Variants in DCUN1D1 observed in about 807,000 individuals in gnomAD.
The protein encoded by DCUN1D1 is defective in cullin neddylation 1 domain containing 1.
Under a neutral mutation model 39.0 loss-of-function variants are expected in DCUN1D1, and 3 were observed. The observed-to-expected ratio is 0.08, with a 90% CI of 0.04 to 0.20. The LOEUF (loss-of-function observed/expected upper bound fraction) is 0.20, where lower values mean the gene tolerates loss of function less well. Among genes scored for constraint, DCUN1D1 ranks in the 10% least tolerant of loss-of-function variants. The pLI, the probability that DCUN1D1 is intolerant of heterozygous loss-of-function variation, is 1.00. For synonymous variants in DCUN1D1, 82 were observed against 96.3 expected (o/e 0.85, Z 0.87); for missense variants, 158 against 302.4 (o/e 0.52, Z 3.54).
intron 1 of DCUN1D1, among the ~76,000 whole-genome samples, chr3:182,972,739 T>C (rs1433093465): frequency 6.6e-6 from 1 of 151,652 alleles, no homozygotes; most frequent in African/African-American, 2.4e-5. Context: ...CACCCAGTCT[T>C]AACAACAACA....
At position 182,940,098 on chromosome 3, in the gene DCUN1D1, C is replaced by T. The variant is rs561055395; in HGVS notation, c.*4996G>A. 9 of 152,192 alleles carry T rather than the reference C, an allele frequency of 5.9e-5. No individual in the cohort carries two copies. The highest frequency in any genetic ancestry group is 7.4e-5 in the Non-Finnish European group (5 of 68,006). 9.4% of individuals were successfully genotyped at this position (152,192 alleles called of 1,614,324 possible). A position where few individuals can be genotyped will look rare whatever the true frequency, so the allele number is the denominator to read the frequency against. On this transcript the variant is annotated 3_prime_UTR_variant, in exon 7 of 7. Transcript: ENST00000292782. ...AATTATGTGACAAAATCACTGTTAA[C>T]GATTTAATTAGCATTGTCCCTTAGC...
chr3:182,965,822 TAACTA>T, intron 1 of DCUN1D1, 69 bp from the exon 2 acceptor site: 1 of 965,090 alleles, frequency 1.0e-6, no homozygotes, highest in Non-Finnish European at 1.6e-6. Flanking sequence ...TCTATATGGC[TAACTA>T]AACATTCTTA....
At chr3:182,969,901 A>G (rs191674757) in intron 1 of DCUN1D1, among the ~76,000 whole-genome samples, 2 of 152,298 alleles carry the variant, frequency 1.3e-5, no homozygotes, top group Admixed American at 1.3e-4. Flanking sequence ...ATCAACACAT[A>G]TTGTTTTATT....
chr3:182,951,451 C>A (rs558914024), intron 4 of DCUN1D1, among the ~76,000 whole-genome samples: 3 of 151,298 alleles, frequency 2.0e-5, no homozygotes, highest in Non-Finnish European at 4.4e-5. Context: ...TTGGTCTCTA[C>A]TAAAAATCAA....
intron 1 of DCUN1D1, among the ~76,000 whole-genome samples, chr3:182,978,194 A>G (rs1235766965): frequency 6.6e-6 from 1 of 152,160 alleles, no homozygotes; most frequent in Non-Finnish European, 1.5e-5. Context: ...CCATCATTTA[A>G]GTTTGCTCTA....
Position 182,939,753 on chromosome 3 carries a change from T to A in DCUN1D1, c.*5341A>T, listed in dbSNP as rs1186363024. 6.6e-6 allele frequency: 1 copy of A among 152,220 alleles called. No individual in the cohort carries two copies. 9.4% of individuals were successfully genotyped at this position (152,220 alleles called of 1,614,324 possible). A position where few individuals can be genotyped will look rare whatever the true frequency, so the allele number is the denominator to read the frequency against. ...ATTTTGGGGGCTGATGGACATGTTC[T>A]AAAATTGGACTGCACAACTCTTAAG... On this transcript the variant is annotated 3_prime_UTR_variant, in exon 7 of 7. Coordinates refer to ENST00000292782, the MANE Select transcript of DCUN1D1 (RefSeq NM_020640.4).
chr3:182,947,662 A>C, intron 4 of DCUN1D1, 30 bp from the exon 5 acceptor site: 3 of 1,220,366 alleles, frequency 2.5e-6, no homozygotes, highest in Non-Finnish European at 3.6e-6. Context: ...TTATGTATTT[A>C]AATGCTATAA....
chr3:182,973,635 C>T (rs922743341), intron 1 of DCUN1D1, among the ~76,000 whole-genome samples: 12 of 151,646 alleles, frequency 7.9e-5, no homozygotes, highest in South Asian at 2.1e-4. Flanking sequence ...GGTGAAACCC[C>T]GTCTCTACTA....
intron 1 of DCUN1D1, among the ~76,000 whole-genome samples, chr3:182,979,170 T>TA (rs1435356163): frequency 6.6e-6 from 1 of 152,240 alleles, no homozygotes; most frequent in Admixed American, 6.5e-5. Context: ...ACCTGCACTT[T>TA]AAAGTTTTCT....
chr3:182,958,588 G>T (rs544709023), intron 4 of DCUN1D1, among the ~76,000 whole-genome samples: 1 of 152,120 alleles, frequency 6.6e-6, no homozygotes, highest in Non-Finnish European at 1.5e-5. Context: ...AGTTCAGTGT[G>T]AAGTACATTC....
intron 1 of DCUN1D1, among the ~76,000 whole-genome samples, chr3:182,970,940 C>T (rs1258571536): frequency 6.6e-6 from 1 of 152,172 alleles, no homozygotes; most frequent in Admixed American, 6.5e-5. Context: ...CCTACAACTC[C>T]CAGAGCAGAC....
rs1332894560 is a variant in DCUN1D1 at position 182,938,172 on chromosome 3, TTTA to T, written c.*6919_*6921del. The T allele has an allele frequency of 2.0e-5, 3 of 152,176 alleles. No individual in the cohort carries two copies. The highest frequency in any genetic ancestry group is 2.9e-5 in the Non-Finnish European group (2 of 68,024). The allele number at this position is 152,176 out of a possible 1,614,324, so 9.4% of individuals were successfully genotyped here. On this transcript the variant is annotated 3_prime_UTR_variant, in exon 7 of 7. Transcript: ENST00000292782. ...TGAAAAATATATTCGTTAGAATTTTTTTATTAAGTACATCAAAATTTCACCTTA... is the reference window on the plus strand; with the variant it reads ...TGAAAAATATATTCGTTAGAATTTTTTTAAGTACATCAAAATTTCACCTTA...
At chr3:182,954,248 T>C (rs6806228) in intron 4 of DCUN1D1, among the ~76,000 whole-genome samples, 19,492 of 152,194 alleles carry the variant, frequency 0.13, 4,031 homozygotes, top group African/African-American at 0.43. Flanking sequence ...ATGTTAACAA[T>C]TGGGAATCCA....
intron 4 of DCUN1D1, among the ~76,000 whole-genome samples, chr3:182,954,045 A>C (rs1472208782): frequency 1.3e-5 from 2 of 152,236 alleles, no homozygotes; most frequent in African/African-American, 4.8e-5. Flanking sequence ...ATGGTGATTA[A>C]AAATCCTATT....
intron 4 of DCUN1D1, among the ~76,000 whole-genome samples, chr3:182,948,089 C>A (rs1031841018): frequency 6.6e-6 from 1 of 152,152 alleles, no homozygotes; most frequent in African/African-American, 2.4e-5. Context: ...ACTCAGCCCC[C>A]ACTGGTGACA....
intron 1 of DCUN1D1, among the ~76,000 whole-genome samples, chr3:182,969,098 T>C (rs188159546): frequency 2.6e-5 from 4 of 152,300 alleles, no homozygotes; most frequent in East Asian, 3.9e-4. Flanking sequence ...GTCTGATAAG[T>C]ACCCTCCACT....
At chr3:182,977,310 G>A (rs895010065) in intron 1 of DCUN1D1, among the ~76,000 whole-genome samples, 1 of 152,050 alleles carries the variant, frequency 6.6e-6, no homozygotes, top group African/African-American at 2.4e-5. Context: ...GTCTATTTCA[G>A]GTCTAAAAAT....
At chr3:182,977,275 G>A (rs1247869248) in intron 1 of DCUN1D1, among the ~76,000 whole-genome samples, 1 of 152,124 alleles carries the variant, frequency 6.6e-6, no homozygotes, top group Non-Finnish European at 1.5e-5. Flanking sequence ...GTAAAAATGG[G>A]GAGGAGTAAT....
At chr3:182,945,277 A>G in intron 6 of DCUN1D1, 104 bp from the exon 7 acceptor site, 1 of 864,320 alleles carries the variant, frequency 1.2e-6, no homozygotes, top group Non-Finnish European at 1.8e-6. Flanking sequence ...CATAAGCGTT[A>G]AAGTATATCA....
Sources: allele counts gnomAD v4.1 joint callset (sites outside exome capture counted in the v4.1 genomes callset), GRCh38; gene constraint gnomAD v4.1.1; transcripts MANE v1.5; gene names NCBI Gene and HGNC (gene_info 2026-07-23, HGNC 2026-07-21).